KIAA1614: variants seen among roughly 807,000 people sequenced by gnomAD.
KIAA1614 encodes the protein uncharacterized protein KIAA1614.
In KIAA1614, 76 loss-of-function variants were observed where a neutral mutation model predicts 88.7. That is an observed-to-expected ratio of 0.86 (90% confidence interval 0.71 to 1.04). The LOEUF (loss-of-function observed/expected upper bound fraction) is 1.04, where lower values mean the gene tolerates loss of function less well. Ranked by LOEUF, KIAA1614 falls within the 50% of genes least tolerant of loss-of-function variation. The pLI, the probability that KIAA1614 is intolerant of heterozygous loss-of-function variation, is 0.00. For missense variants in KIAA1614, 1,553 were observed against 1,582.5 expected (o/e 0.98, Z 0.32); for synonymous variants, 714 against 675.5 (o/e 1.06, Z -0.88).
chr1:180,941,126 A>C lies in KIAA1614; in HGVS notation c.3000A>C (p.Ile1000=). 3 of 1,613,410 alleles carry C rather than the reference A, an allele frequency of 1.9e-6. No individual in the cohort carries two copies. The highest frequency in any genetic ancestry group is 2.5e-6 in the Non-Finnish European group (3 of 1,179,856). The change falls in exon 7 of 9, where the codon ATA becomes ATC. Residue 1000 remains isoleucine (I), a synonymous_variant. Coordinates refer to ENST00000367588, the MANE Select transcript of KIAA1614 (RefSeq NM_020950.2). ...LDQNKKRSSS[I]ASTLGLKKLF... is the part of the protein sequence containing the mutation. ...AGAACAAGAAAAGGAGCAGCAGCAT[A>C]GCCTCCACCCTGGGGCTGAAAAAGC...
chr1:180,936,911 C>G (rs1403304766), intron 5 of KIAA1614, among the ~76,000 whole-genome samples: 1 of 152,148 alleles, frequency 6.6e-6, no homozygotes, highest in Admixed American at 6.5e-5. Context: ...CAACTCCCTC[C>G]CGGGGGAGGC....
At chr1:180,928,137 T>G (rs1654108858) in intron 3 of KIAA1614, 1 of 316,520 alleles carries the variant, frequency 3.2e-6, no homozygotes. Flanking sequence ...GAGACTCTCC[T>G]ACCCTTTCTA....
rs745575597 is a variant in KIAA1614 at position 180,916,887 on chromosome 1, G to A, written c.784G>A (p.Glu262Lys). ...TCTGGATAGCACATCCCTGACCTCC[G>A]AGGAGGTCTTTGTCCCCAGGACGGC... ...ADLDSTSLTS[E>K]EVFVPRTALL... The change falls in exon 2 of 9, where the codon GAG (glutamate) becomes AAG (lysine). Residue 262 changes from glutamate (E) to lysine (K), a missense_variant. Physicochemically the swap from Glu to Lys is moderately conservative, Grantham distance 56. Transcript: ENST00000367588. 1.1e-5 allele frequency: 17 copies of A among 1,614,096 alleles called. No homozygotes were observed. The highest frequency in any genetic ancestry group is 4.0e-5 in the African/African-American group (3 of 74,950).
At chr1:180,941,623 G>T (rs903784117) in intron 7 of KIAA1614, among the ~76,000 whole-genome samples, 1 of 152,310 alleles carries the variant, frequency 6.6e-6, no homozygotes, top group Non-Finnish European at 1.5e-5. Context: ...GTGACTCTGA[G>T]CCCAGGCACA....
At chr1:180,928,268 C>A in intron 3 of KIAA1614, 162 bp from the exon 4 acceptor site, 1 of 857,460 alleles carries the variant, frequency 1.2e-6, no homozygotes, top group Non-Finnish European at 1.7e-6. Context: ...GGCCCCAGGC[C>A]CCCAGGCTGG....
chr1:180,934,195 G>A (rs1571295301), intron 4 of KIAA1614, among the ~76,000 whole-genome samples: 1 of 150,574 alleles, frequency 6.6e-6, no homozygotes, highest in South Asian at 2.1e-4. Flanking sequence ...CGGAGGTTGC[G>A]GTCCTGAGAT....
At position 180,935,547 on chromosome 1, in the gene KIAA1614, G is replaced by T. The variant is rs775232337; in HGVS notation, c.1638G>T (p.Pro546=). The T allele has an allele frequency of 7.6e-6, 12 of 1,587,420 alleles. No individual in the cohort carries two copies. In the South Asian group the frequency reaches 1.4e-4, roughly 18 times the overall value. The change falls in exon 5 of 9, where the codon CCG becomes CCT. Residue 546 remains proline, a synonymous_variant. Coordinates refer to ENST00000367588, the MANE Select transcript of KIAA1614 (RefSeq NM_020950.2). This position sits in a 1 kb window ranked among gnomAD's most constrained non-coding sequence, Gnocchi z 6.1. ...CCTGCGGCAGCTGCATCGACGACCC[G>T]CGCCCCGCCCAGGGGAAGGCGCCCC... ...CQACGSCIDD[P]RPAQGKAPPV...
At position 180,944,464 on chromosome 1, in the gene KIAA1614, C is replaced by T. The variant is rs761533514; in HGVS notation, c.3235C>T (p.Arg1079Trp). ...LHSLLSSKGN[R>W]SSLYLVAGPG... Reference sequence around the variant, plus strand: ...TTCTCTGCTGAGCAGCAAGGGGAACCGGTCCAGCCTCTACCTGGTAGCAGG... The same window carrying T: ...TTCTCTGCTGAGCAGCAAGGGGAACTGGTCCAGCCTCTACCTGGTAGCAGG... Residue 1079 changes from arginine to tryptophan, a missense_variant, in exon 8 of 9, where the codon CGG becomes TGG. Physicochemically the swap from Arg to Trp is moderately radical, Grantham distance 101. Transcript: ENST00000367588. The T allele has an allele frequency of 1.4e-5, 23 of 1,613,700 alleles. No individual in the cohort carries two copies. Among genetic ancestry groups the T allele is most frequent in the East Asian group, 1.1e-4 (5 of 44,888 alleles).
intron 7 of KIAA1614, among the ~76,000 whole-genome samples, chr1:180,942,347 A>ACC (rs1252330043): frequency 6.6e-6 from 1 of 152,082 alleles, no homozygotes; most frequent in Non-Finnish European, 1.5e-5. Flanking sequence ...CCCCTCGGAC[A>ACC]CCCCTTCTGT....
At chr1:180,943,566 TGA>T (rs1654519686) in intron 7 of KIAA1614, among the ~76,000 whole-genome samples, 16 of 144,466 alleles carry the variant, frequency 1.1e-4, no homozygotes, top group South Asian at 2.3e-4. Flanking sequence ...TTTTTTTTTT[TGA>T]GACAGGGTCT....
chr1:180,916,092 G>A (rs928297408), intron 1 of KIAA1614, 62 bp from the exon 2 acceptor site: 8 of 1,348,730 alleles, frequency 5.9e-6, no homozygotes, highest in Admixed American at 2.4e-5. Flanking sequence ...TTGGGGCCCC[G>A]GGAGGTTGTG....
At position 180,935,866 on chromosome 1, in the gene KIAA1614, A is replaced by G. The variant is rs751777199; in HGVS notation, c.1957A>G (p.Arg653Gly). 18 of 1,613,628 alleles carry G rather than the reference A, an allele frequency of 1.1e-5. No individual in the cohort carries two copies. The highest frequency in any genetic ancestry group is 1.4e-5 in the Non-Finnish European group (17 of 1,179,914). Residue 653 changes from arginine (R) to glycine (G), a missense_variant, in exon 5 of 9, where the codon AGG becomes GGG. Arg to Gly is a moderately radical substitution (Grantham distance 125, BLOSUM62 -2). Transcript: ENST00000367588. The surrounding 1 kb of genome is among the most constrained non-coding windows in gnomAD (Gnocchi z 6.1). Reference sequence around the variant, plus strand: ...CCCGCGACTGCGACTGCGGGGCTCCAGGCCTCGAGGCCACAGGTGGTCCAA... The same window carrying G: ...CCCGCGACTGCGACTGCGGGGCTCCGGGCCTCGAGGCCACAGGTGGTCCAA... ...SSPRLRLRGS[R>G]PRGHRWSKKA... is the part of the protein sequence containing the mutation.
chr1:180,933,431 T>TAAG lies in KIAA1614; in HGVS notation c.1206-1682_1206-1680dup, dbSNP rs1226747155. ...GACAGGAGGCAGTGGAGAGGCTGGA[T>TAAG]AAGAGGCCACTGCAGGGGTCCAGTG... is the stretch of plus-strand genomic sequence containing the variant. On this transcript the variant is annotated intron_variant, in intron 4 of 8. Transcript: ENST00000367588. Among the ~76,000 whole-genome samples the TAAG allele has an allele frequency of 2.0e-5, 3 of 152,194 alleles. No individual in the cohort carries two copies. In the East Asian group the frequency reaches 5.8e-4, roughly 29 times the overall value.
rs1460931945 is a variant in KIAA1614 at position 180,945,669 on chromosome 1, A to G, written c.*81A>G. On this transcript the variant is annotated 3_prime_UTR_variant, in exon 9 of 9. Coordinates refer to ENST00000367588, the MANE Select transcript of KIAA1614 (RefSeq NM_020950.2). ...CTCAGGGGCTCTTTCTGAATTGTCCAGGGCTCTCTAGGAGTCTGCACCTGC... is the reference window on the plus strand; with the variant it reads ...CTCAGGGGCTCTTTCTGAATTGTCCGGGGCTCTCTAGGAGTCTGCACCTGC... 4 of 1,475,632 alleles carry G rather than the reference A, an allele frequency of 2.7e-6. No individual in the cohort carries two copies. Among genetic ancestry groups the G allele is most frequent in the Non-Finnish European group, 3.6e-6 (4 of 1,122,954 alleles). The allele number at this position is 1,475,632 out of a possible 1,614,324, so 91.4% of individuals were successfully genotyped here.
chr1:180,935,471 G>A lies in KIAA1614; in HGVS notation c.1562G>A (p.Arg521His), dbSNP rs528204765. Reference protein sequence around the residue: ...TFHRLVGSLDRRGHPAPPAPG... With the variant: ...TFHRLVGSLDHRGHPAPPAPG... ...CACAGGCTTGTGGGCAGCCTGGACC[G>A]CAGGGGACACCCGGCACCGCCGGCA... The change falls in exon 5 of 9, where the codon CGC (arginine) becomes CAC (histidine). Residue 521 changes from arginine (R) to histidine (H), a missense_variant. By Grantham distance (29) the Arg-to-His change is conservative (BLOSUM62 0). Transcript: ENST00000367588. This position sits in a 1 kb window ranked among gnomAD's most constrained non-coding sequence, Gnocchi z 6.1. 5 of 1,472,852 alleles carry A rather than the reference G, an allele frequency of 3.4e-6. No individual in the cohort carries two copies. The highest frequency in any genetic ancestry group is 2.4e-5 in the Admixed American group (1 of 41,176). The allele number at this position is 1,472,852 out of a possible 1,614,324, so 91.2% of individuals were successfully genotyped here.
chr1:180,941,290 G>A lies in KIAA1614; in HGVS notation c.3159+5G>A, dbSNP rs1358158684. On this transcript the variant is annotated splice_donor_5th_base_variant and intron_variant, in intron 7 of 8. Transcript: ENST00000367588. ...TCGTTACAATCCCTGCACCCGGTGA[G>A]TCCAGGGGCCCCAGCCCAGGGAGTG... 1 of 1,598,514 alleles carries A rather than the reference G, an allele frequency of 6.3e-7. No individual in the cohort carries two copies. The highest frequency in any genetic ancestry group is 1.3e-5 in the African/African-American group (1 of 74,652).
At position 180,941,066 on chromosome 1, in the gene KIAA1614, A is replaced by G. The variant is rs1480781511; in HGVS notation, c.2940A>G (p.Thr980=). ...TCAGAGCATCAGCAGGAGCTGGCAC[A>G]GGACCCGGCTCCCCCTCGGCTGCCC... ...VLSRASAGAG[T]GPGSPSAAPL... The change falls in exon 7 of 9, where the codon ACA becomes ACG. Residue 980 remains threonine, a synonymous_variant. Transcript: ENST00000367588. The G allele has an allele frequency of 7.4e-7, 1 of 1,347,068 alleles. No individual in the cohort carries two copies. The highest frequency in any genetic ancestry group is 2.0e-5 in the Admixed American group (1 of 49,218). The allele number at this position is 1,347,068 out of a possible 1,614,324, so 83.4% of individuals were successfully genotyped here.
At chr1:180,943,028 G>GTTTTTTTTTTTGTTTTTT (rs1485625453) in intron 7 of KIAA1614, among the ~76,000 whole-genome samples, 4 of 14,936 alleles carry the variant, frequency 2.7e-4, no homozygotes, top group South Asian at 4.5e-3. Flanking sequence ...AGTTTTTTGG[G>GTTTTTTTTTTTGTTTTTT]TTTTTTTTTT....
intron 4 of KIAA1614, among the ~76,000 whole-genome samples, chr1:180,931,473 A>T (rs1308606793): frequency 6.6e-6 from 1 of 152,238 alleles, no homozygotes; most frequent in African/African-American, 2.4e-5. Context: ...TCTGTGGAGC[A>T]TCACCTTGAG....
Sources: allele counts gnomAD v4.1 joint callset (sites outside exome capture counted in the v4.1 genomes callset), GRCh38; gene constraint gnomAD v4.1.1; non-coding constraint Gnocchi (gnomAD v3.1); transcripts MANE v1.5; gene names NCBI Gene and HGNC (gene_info 2026-07-23, HGNC 2026-07-21).